METAP1D: variants seen among roughly 807,000 people sequenced by gnomAD.
METAP1D encodes the protein methionine aminopeptidase 1D, mitochondrial.
In METAP1D, 31 loss-of-function variants were observed where a neutral mutation model predicts 40.5. The ratio of observed to expected loss-of-function variants is 0.77; its 90% CI spans 0.58 to 1.03. The LOEUF (loss-of-function observed/expected upper bound fraction) is 1.03. Ranked by LOEUF, METAP1D falls within the 50% of genes least tolerant of loss-of-function variation. The pLI is 0.00. For missense variants in METAP1D, 411 were observed against 420.7 expected, an observed-to-expected ratio of 0.98 and a Z score of 0.20; for synonymous variants, 151 against 146.4, an observed-to-expected ratio of 1.03 and a Z score of -0.22.
At chr2:172,079,042 C>T (rs999388308) in intron 7 of METAP1D, among the ~76,000 whole-genome samples, 173 bp from the exon 8 acceptor site, 3 of 152,158 alleles carry the variant, frequency 2.0e-5, no homozygotes, top group African/African-American at 7.2e-5. Flanking sequence ...CCAGTAGCCC[C>T]GTGTTTAACT....
At chr2:172,073,767 A>G (rs1690478494) in intron 6 of METAP1D, among the ~76,000 whole-genome samples, 1 of 152,220 alleles carries the variant, frequency 6.6e-6, no homozygotes, top group African/African-American at 2.4e-5. Flanking sequence ...TTAAGCCAAA[A>G]GTACTTGAAA....
chr2:172,016,228 A>T (rs1328697688), intron 1 of METAP1D, among the ~76,000 whole-genome samples: 1 of 127,430 alleles, frequency 7.8e-6, no homozygotes, highest in African/African-American at 2.9e-5. Context: ...GTGAGCTGAG[A>T]TCATGCCACT....
intron 1 of METAP1D, among the ~76,000 whole-genome samples, chr2:172,038,630 A>G (rs1235841587): frequency 6.6e-6 from 1 of 152,226 alleles, no homozygotes; most frequent in African/African-American, 2.4e-5. Flanking sequence ...CTCCTAAAAC[A>G]TTGAAATATA....
chr2:172,051,122 C>T (rs1689876101), intron 1 of METAP1D, among the ~76,000 whole-genome samples: 1 of 152,108 alleles, frequency 6.6e-6, no homozygotes, highest in South Asian at 2.1e-4. Context: ...AAATTCCATG[C>T]AATAGCCCTA....
rs535276054 is a variant in METAP1D, at chr2:172,044,142, T to TA, written c.41-17353dup. Among the ~76,000 whole-genome samples, 194 of 134,640 alleles carry TA rather than the reference T, an allele frequency of 1.4e-3. 20 individuals are homozygous for TA. Among genetic ancestry groups the TA allele is most frequent in the African/African-American group, 4.5e-3 (178 of 39,798 alleles). 88.3% of individuals were successfully genotyped at this position (134,640 alleles called of 152,430 possible). On this transcript the variant is annotated intron_variant, in intron 1 of 9. Coordinates refer to ENST00000315796, the MANE Select transcript of METAP1D (RefSeq NM_199227.3). ...CTTAGATTAATCCATAAATTCAATG[T>TA]AAACCCAATTTTGTGGCCAAAAACA...
intron 1 of METAP1D, among the ~76,000 whole-genome samples, chr2:172,054,033 T>G (rs997389970): frequency 1.3e-5 from 2 of 152,122 alleles, no homozygotes; most frequent in Non-Finnish European, 2.9e-5. Flanking sequence ...AAAACTCACA[T>G]TTTCAGGGAT....
chr2:172,067,824 C>T (rs1198414091), intron 5 of METAP1D, among the ~76,000 whole-genome samples: 1 of 152,014 alleles, frequency 6.6e-6, no homozygotes, highest in African/African-American at 2.4e-5. Context: ...GAAATATTTC[C>T]AAGTGTCTAG....
chr2:172,056,300 G>A (rs1310065636), intron 1 of METAP1D, among the ~76,000 whole-genome samples: 4 of 152,212 alleles, frequency 2.6e-5, no homozygotes, highest in African/African-American at 9.6e-5. Context: ...TGTCTTTGAA[G>A]TACTCAGCAC....
chr2:172,030,093 T>A (rs1249230405), intron 1 of METAP1D, among the ~76,000 whole-genome samples: 3 of 148,076 alleles, frequency 2.0e-5, no homozygotes, highest in Non-Finnish European at 4.5e-5. Flanking sequence ...TTTATTTATT[T>A]ATTTATTTTT....
At chr2:172,047,259 G>A (rs1236084169) in intron 1 of METAP1D, among the ~76,000 whole-genome samples, 3 of 152,142 alleles carry the variant, frequency 2.0e-5, no homozygotes, top group African/African-American at 7.2e-5. Flanking sequence ...AAGACTTCTT[G>A]ATACATTTAA....
chr2:172,002,800 TC>T (rs1688495257), intron 1 of METAP1D, among the ~76,000 whole-genome samples: 1 of 152,218 alleles, frequency 6.6e-6, no homozygotes, highest in Non-Finnish European at 1.5e-5. Context: ...TTACAAGTCT[TC>T]ATGTACCAGG....
At chr2:172,028,518 A>G (rs1440410821) in intron 1 of METAP1D, among the ~76,000 whole-genome samples, 1 of 150,338 alleles carries the variant, frequency 6.7e-6, no homozygotes, top group Non-Finnish European at 1.5e-5. Flanking sequence ...TTTCCTACAC[A>G]TGAGCAGACT....
chr2:172,023,087 C>T (rs534466734), intron 1 of METAP1D, among the ~76,000 whole-genome samples: 1 of 152,328 alleles, frequency 6.6e-6, no homozygotes, highest in East Asian at 1.9e-4. Flanking sequence ...ACTCAGGAGG[C>T]TGAGGCAGGA....
intron 1 of METAP1D, among the ~76,000 whole-genome samples, chr2:172,030,531 A>G (rs1689218590): frequency 6.6e-6 from 1 of 152,216 alleles, no homozygotes; most frequent in Non-Finnish European, 1.5e-5. Context: ...AAATCTCTGC[A>G]TTCTTACCCC....
intron 1 of METAP1D, among the ~76,000 whole-genome samples, chr2:172,002,145 A>G (rs1352953968): frequency 6.6e-6 from 1 of 151,244 alleles, no homozygotes; most frequent in Non-Finnish European, 1.5e-5. Flanking sequence ...TTTAGACTTC[A>G]TTTTTGTATG....
Position 172,061,574 on chromosome 2 carries a change from T to C in METAP1D, c.117T>C (p.Asn39=). ...HKQSSSQQRR[N]FFFRRQRDIS... is the part of the protein sequence containing the mutation. ...AGTCAAGCAGTCAACAAAGAAGAAA[T>C]TTCTTTTTTCGGAGACAAAGAGATA... Residue 39 remains asparagine, a synonymous_variant, in exon 2 of 10, where the codon AAT becomes AAC. Transcript: ENST00000315796. 6.2e-7 allele frequency: 1 copy of C among 1,613,926 alleles called. No homozygotes were observed. The highest frequency in any genetic ancestry group is 8.5e-7 in the Non-Finnish European group (1 of 1,179,894).
chr2:172,039,510 C>T (rs536242621), intron 1 of METAP1D, among the ~76,000 whole-genome samples: 2 of 152,208 alleles, frequency 1.3e-5, no homozygotes, highest in East Asian at 3.9e-4. Flanking sequence ...TAACGGCTTT[C>T]TTTGTATTTT....
chr2:172,062,826 C>T (rs1389538225), intron 2 of METAP1D, among the ~76,000 whole-genome samples: 2 of 152,216 alleles, frequency 1.3e-5, no homozygotes, highest in African/African-American at 4.8e-5. Context: ...CCTTCCAGAG[C>T]TGCTGCAATG....
At chr2:172,038,249 T>C (rs1226107333) in intron 1 of METAP1D, among the ~76,000 whole-genome samples, 1 of 152,232 alleles carries the variant, frequency 6.6e-6, no homozygotes, top group East Asian at 1.9e-4. Flanking sequence ...AGTTTTTTGT[T>C]TTCATTGCAA....
Sources: gnomAD v4.1 joint callset for allele counts (sites outside exome capture counted in the v4.1 genomes callset) on GRCh38, gnomAD v4.1.1 for gene constraint, MANE v1.5 for transcripts, NCBI Gene and HGNC (gene_info 2026-07-23, HGNC 2026-07-21) for gene names.